The following RALYL variants were observed in gnomAD, a reference collection of about 807,000 sequenced individuals.
The protein encoded by RALYL is RNA-binding Raly-like protein.
A neutral mutation model predicts 35.1 loss-of-function variants in RALYL; 29 were observed. The ratio of observed to expected loss-of-function variants is 0.83; its 90% CI spans 0.61 to 1.13. The LOEUF (loss-of-function observed/expected upper bound fraction) is 1.13, where lower values mean the gene tolerates loss of function less well. Among genes scored for constraint, RALYL ranks in the 50% most tolerant of loss-of-function variants. The pLI, the probability that RALYL is intolerant of heterozygous loss-of-function variation, is 0.00. For synonymous variants in RALYL, 120 were observed against 127.6 expected, an observed-to-expected ratio of 0.94 and a Z score of 0.40; for missense variants, 359 against 360.4, an observed-to-expected ratio of 1.00 and a Z score of 0.03.
At chr8:84,763,686 G>A (rs1363613919) in intron 2 of RALYL, among the ~76,000 whole-genome samples, 1 of 152,112 alleles carries the variant, frequency 6.6e-6, no homozygotes, top group Non-Finnish European at 1.5e-5. Context: ...TAGAGAGAAA[G>A]ATGTTCATGG....
At chr8:84,641,034 C>T (rs1826191453) in intron 2 of RALYL, among the ~76,000 whole-genome samples, 1 of 151,600 alleles carries the variant, frequency 6.6e-6, no homozygotes, top group Non-Finnish European at 1.5e-5. Flanking sequence ...ACTTGTATTA[C>T]ATTTTCCTCT....
At chr8:84,777,502 A>G (rs1000127758) in intron 3 of RALYL, among the ~76,000 whole-genome samples, 1 of 152,210 alleles carries the variant, frequency 6.6e-6, no homozygotes, top group African/African-American at 2.4e-5. Flanking sequence ...TAGTAGTTGT[A>G]TAATTTTCCT....
chr8:84,756,763 A>C (rs1811509684), intron 2 of RALYL, among the ~76,000 whole-genome samples: 1 of 148,498 alleles, frequency 6.7e-6, no homozygotes, highest in African/African-American at 2.5e-5. Flanking sequence ...ATTATAAAAG[A>C]TATGTTGTAA....
At chr8:84,582,212 G>A (rs1325598860) in intron 2 of RALYL, among the ~76,000 whole-genome samples, 1 of 152,028 alleles carries the variant, frequency 6.6e-6, no homozygotes, top group African/African-American at 2.4e-5. Context: ...TTAAGAAATT[G>A]CTATTCAAAT....
intron 1 of RALYL, among the ~76,000 whole-genome samples, chr8:84,493,658 A>G (rs1409840136): frequency 6.6e-6 from 1 of 152,154 alleles, no homozygotes; most frequent in Non-Finnish European, 1.5e-5. Flanking sequence ...CATTTCCCTA[A>G]TGATAAGTGC....
chr8:84,324,049 AAATTTT>A (rs1845354336), intron 1 of RALYL, among the ~76,000 whole-genome samples: 1 of 152,028 alleles, frequency 6.6e-6, no homozygotes, highest in Admixed American at 6.6e-5. Context: ...GTGCTGTACT[AAATTTT>A]AAAGTATGCA....
intron 1 of RALYL, among the ~76,000 whole-genome samples, chr8:84,519,540 C>T (rs920160816): frequency 5.3e-5 from 8 of 152,152 alleles, no homozygotes; most frequent in Non-Finnish European, 7.4e-5. Context: ...AAGTGAAACC[C>T]TTCCCTCACT....
At chr8:84,411,005 A>C (rs1378537155) in intron 1 of RALYL, among the ~76,000 whole-genome samples, 1 of 151,898 alleles carries the variant, frequency 6.6e-6, no homozygotes. Context: ...AAGATCAATA[A>C]ATAATCTTGA....
intron 1 of RALYL, among the ~76,000 whole-genome samples, chr8:84,379,604 C>T (rs1857547847): frequency 6.6e-6 from 1 of 151,722 alleles, no homozygotes; most frequent in African/African-American, 2.4e-5. Context: ...CTCATTTCCA[C>T]TAATAGGGTG....
chr8:84,338,512 G>C (rs1458757442), intron 1 of RALYL, among the ~76,000 whole-genome samples: 1 of 149,130 alleles, frequency 6.7e-6, no homozygotes, highest in Non-Finnish European at 1.5e-5. Context: ...TTATTAACAA[G>C]ATTAACCCAA....
intron 3 of RALYL, among the ~76,000 whole-genome samples, chr8:84,789,668 G>T (rs758438063): frequency 6.6e-6 from 1 of 152,056 alleles, no homozygotes; most frequent in Non-Finnish European, 1.5e-5. Context: ...GACCAGCTTG[G>T]GCAACATGGT....
At chr8:84,845,787 T>G (rs1834516775) in intron 4 of RALYL, among the ~76,000 whole-genome samples, 1 of 152,212 alleles carries the variant, frequency 6.6e-6, no homozygotes, top group African/African-American at 2.4e-5. Context: ...GGTCTTACAT[T>G]TAAATATTCA....
chr8:84,333,791 C>T (rs1025640303), intron 1 of RALYL, among the ~76,000 whole-genome samples: 2 of 152,076 alleles, frequency 1.3e-5, no homozygotes, highest in African/African-American at 2.4e-5. Flanking sequence ...AGATAATCCT[C>T]TTGAGTATAT....
intron 2 of RALYL, among the ~76,000 whole-genome samples, chr8:84,556,299 CAA>C (rs1274057133): frequency 6.6e-6 from 1 of 152,064 alleles, no homozygotes; most frequent in East Asian, 1.9e-4. Flanking sequence ...AAAAGATACT[CAA>C]GAGTTTTACA....
At chr8:84,230,406 A>G (rs1487234162) in intron 1 of RALYL, among the ~76,000 whole-genome samples, 4 of 152,150 alleles carry the variant, frequency 2.6e-5, no homozygotes, top group Non-Finnish European at 2.9e-5. Flanking sequence ...GATGACAAAA[A>G]TAAACAAAAT....
intron 1 of RALYL, among the ~76,000 whole-genome samples, chr8:84,412,214 A>G (rs1463677914): frequency 2.0e-5 from 3 of 151,928 alleles, no homozygotes; most frequent in Admixed American, 2.0e-4. Context: ...TCAAAGTACA[A>G]ATTATATTAA....
intron 1 of RALYL, among the ~76,000 whole-genome samples, chr8:84,503,573 G>A (rs560608918): frequency 8.5e-5 from 13 of 152,118 alleles, no homozygotes; most frequent in South Asian, 6.2e-4. Flanking sequence ...AAGCAAGGCC[G>A]GGCATGGTGG....
At chr8:84,840,749 T>C (rs575059095) in intron 4 of RALYL, among the ~76,000 whole-genome samples, 1 of 152,314 alleles carries the variant, frequency 6.6e-6, no homozygotes, top group Non-Finnish European at 1.5e-5. Flanking sequence ...GGGAAGCCCA[T>C]CAGACTAACA....
intron 2 of RALYL, among the ~76,000 whole-genome samples, chr8:84,534,980 T>C (rs2059502528): frequency 6.6e-6 from 1 of 152,194 alleles, no homozygotes. Flanking sequence ...GAAGGATATA[T>C]TGGTTTGAAG....
Sources: gnomAD v4.1 joint callset for allele counts (sites outside exome capture counted in the v4.1 genomes callset) on GRCh38, gnomAD v4.1.1 for gene constraint, MANE v1.5 for transcripts, NCBI Gene and HGNC (gene_info 2026-07-23, HGNC 2026-07-21) for gene names.